GRXCR1: variants seen among roughly 807,000 people sequenced by gnomAD.
GRXCR1 encodes glutaredoxin domain-containing cysteine-rich protein 1.
Under a neutral mutation model 27.3 loss-of-function variants are expected in GRXCR1, and 27 were observed. The observed-to-expected ratio is 0.99, with a 90% CI of 0.73 to 1.37. The LOEUF is 1.37. Ranked by LOEUF, GRXCR1 falls within the 40% of genes most tolerant of loss-of-function variation. The probability of loss-of-function intolerance (pLI) is 0.00; values close to 1 mark genes in which losing one functional copy is unlikely to be tolerated. For synonymous variants in GRXCR1, 122 were observed against 131.1 expected (o/e 0.93, Z 0.47); for missense variants, 379 against 354.4 (o/e 1.07, Z -0.56).
At chr4:43,012,975 T>A (rs1021481017) in intron 2 of GRXCR1, among the ~76,000 whole-genome samples, 2 of 152,036 alleles carry the variant, frequency 1.3e-5, no homozygotes, top group African/African-American at 4.8e-5. Flanking sequence ...CAGAGCACAA[T>A]GAGATAACAT....
intron 3 of GRXCR1, among the ~76,000 whole-genome samples, chr4:43,028,316 ATACT>A (rs1713320558): frequency 6.6e-6 from 1 of 152,218 alleles, no homozygotes. Flanking sequence ...TATTTAGTAC[ATACT>A]TAAACAAAAA....
chr4:42,965,420 C>A (rs541370737), intron 2 of GRXCR1, among the ~76,000 whole-genome samples: 38 of 152,140 alleles, frequency 2.5e-4, no homozygotes, highest in Middle Eastern at 3.4e-3. Flanking sequence ...AACGAATTCT[C>A]CTCCTATTAA....
intron 1 of GRXCR1, among the ~76,000 whole-genome samples, chr4:42,922,155 A>AT (rs1747028258): frequency 6.6e-6 from 1 of 152,108 alleles, no homozygotes; most frequent in Non-Finnish European, 1.5e-5. Context: ...ATAGATATAT[A>AT]TTTATAATGA....
At chr4:42,994,668 G>A (rs551438770) in intron 2 of GRXCR1, among the ~76,000 whole-genome samples, 2 of 152,204 alleles carry the variant, frequency 1.3e-5, no homozygotes, top group African/African-American at 2.4e-5. Context: ...GAGGAATAGG[G>A]TCTCTGAGAA....
chr4:42,898,229 T>C (rs1487362968), intron 1 of GRXCR1, among the ~76,000 whole-genome samples: 1 of 148,968 alleles, frequency 6.7e-6, no homozygotes, highest in African/African-American at 2.4e-5. Context: ...GGTTTTACAA[T>C]TTATCATTTA....
chr4:42,965,216 G>T (rs1338441884), intron 2 of GRXCR1, among the ~76,000 whole-genome samples: 1 of 152,070 alleles, frequency 6.6e-6, no homozygotes, highest in East Asian at 1.9e-4. Context: ...GCTTTTTTCT[G>T]TGATCACTTT....
intron 2 of GRXCR1, among the ~76,000 whole-genome samples, chr4:43,019,258 C>T (rs1327175952): frequency 6.6e-6 from 1 of 152,100 alleles, no homozygotes; most frequent in Non-Finnish European, 1.5e-5. Context: ...TCATTCTACC[C>T]TGTGGGTTAG....
chr4:43,003,017 T>C (rs1323724132), intron 2 of GRXCR1, among the ~76,000 whole-genome samples: 2 of 152,190 alleles, frequency 1.3e-5, no homozygotes, highest in African/African-American at 4.8e-5. Flanking sequence ...TTTAAAAGTG[T>C]GTGGCATTCC....
intron 2 of GRXCR1, among the ~76,000 whole-genome samples, chr4:43,010,452 G>C (rs1254649100): frequency 2.0e-5 from 3 of 151,112 alleles, no homozygotes; most frequent in Non-Finnish European, 4.4e-5. Flanking sequence ...CATTACTTTT[G>C]CTGACATCTT....
intron 2 of GRXCR1, among the ~76,000 whole-genome samples, chr4:43,010,204 C>A (rs1712701546): frequency 6.6e-6 from 1 of 152,198 alleles, no homozygotes; most frequent in Admixed American, 6.5e-5. Context: ...GACTTCGAGA[C>A]CAGCTTGGCT....
At chr4:42,991,885 C>T (rs776945128) in intron 2 of GRXCR1, among the ~76,000 whole-genome samples, 1 of 152,072 alleles carries the variant, frequency 6.6e-6, no homozygotes, top group Admixed American at 6.6e-5. Context: ...TTCATTACTG[C>T]CACCCACTTC....
At chr4:42,921,834 G>C (rs1454352331) in intron 1 of GRXCR1, among the ~76,000 whole-genome samples, 1 of 152,110 alleles carries the variant, frequency 6.6e-6, no homozygotes, top group Non-Finnish European at 1.5e-5. Flanking sequence ...AACTAGGAGA[G>C]ACGAGGGTCT....
chr4:42,918,199 A>G lies in GRXCR1; in HGVS notation c.384+24549A>G, dbSNP rs372461211. ...TATGGCACCTCATCTAGAGGGGAGG[A>G]ACACTGTTTTCACAAGGCAGAAGAG... On this transcript the variant is annotated intron_variant, in intron 1 of 3. Coordinates refer to ENST00000399770, the MANE Select transcript of GRXCR1 (RefSeq NM_001080476.3). Among the ~76,000 whole-genome samples the G allele has an allele frequency of 7.2e-5, 11 of 152,004 alleles. No homozygotes were observed. The East Asian group carries it at 2.1e-3, about 30-fold the overall frequency.
intron 2 of GRXCR1, among the ~76,000 whole-genome samples, chr4:42,992,524 A>G (rs1322872112): frequency 1.8e-4 from 28 of 152,132 alleles, no homozygotes; most frequent in Admixed American, 1.8e-3. Context: ...TAATTTTTGA[A>G]TTACAGTTTT....
At chr4:42,996,532 C>A (rs1359481895) in intron 2 of GRXCR1, among the ~76,000 whole-genome samples, 1 of 151,994 alleles carries the variant, frequency 6.6e-6, no homozygotes, top group South Asian at 2.1e-4. Flanking sequence ...ACAAAAAAAT[C>A]TTGACCAATA....
intron 1 of GRXCR1, among the ~76,000 whole-genome samples, chr4:42,938,135 T>A: frequency 6.6e-6 from 1 of 151,972 alleles, no homozygotes; most frequent in South Asian, 2.1e-4. Context: ...TGAGTACAAT[T>A]GTTTTAATAT....
At chr4:42,981,857 T>G (rs959842230) in intron 2 of GRXCR1, among the ~76,000 whole-genome samples, 1 of 152,212 alleles carries the variant, frequency 6.6e-6, no homozygotes, top group African/African-American at 2.4e-5. Flanking sequence ...TTCGGGATCT[T>G]CTCTTTATCT....
intron 2 of GRXCR1, among the ~76,000 whole-genome samples, chr4:42,988,319 G>A (rs1378050877): frequency 6.6e-6 from 1 of 152,144 alleles, no homozygotes. Context: ...CTGATGCAGA[G>A]TGACACCACA....
chr4:43,030,238 A>G (rs903535974), intron 3 of GRXCR1, 123 bp from the exon 4 acceptor site: 1 of 821,454 alleles, frequency 1.2e-6, no homozygotes, highest in Admixed American at 1.8e-5. Context: ...ATTCAAGTGT[A>G]TAGCCATATT....
Sources: gnomAD v4.1 joint callset for allele counts (sites outside exome capture counted in the v4.1 genomes callset) on GRCh38, gnomAD v4.1.1 for gene constraint, MANE v1.5 for transcripts, NCBI Gene and HGNC (gene_info 2026-07-23, HGNC 2026-07-21) for gene names.